Variants in HACE1 observed in about 807,000 individuals in gnomAD.
The protein encoded by HACE1 is HECT domain and ankyrin repeat containing E3 ubiquitin protein ligase 1.
In HACE1, 73 loss-of-function variants were observed where a neutral mutation model predicts 118.4. That is an observed-to-expected ratio of 0.62 (90% CI 0.51 to 0.75). The LOEUF is 0.75. Ranked by LOEUF, HACE1 falls within the 30% of genes least tolerant of loss-of-function variation. The probability of loss-of-function intolerance (pLI) is 0.00; values close to 1 mark genes in which losing one functional copy is unlikely to be tolerated. For missense variants in HACE1, 749 were observed against 1,102.2 expected, an observed-to-expected ratio of 0.68 and a Z score of 4.54; for synonymous variants, 368 against 374.8, an observed-to-expected ratio of 0.98 and a Z score of 0.21.
At chr6:104,778,436 C>CT (rs1216453520) in intron 14 of HACE1, among the ~76,000 whole-genome samples, 1 of 151,932 alleles carries the variant, frequency 6.6e-6, no homozygotes. Context: ...AAGTCCTGGT[C>CT]ATGGTAGCAA....
chr6:104,824,125 C>T (rs946121307), intron 6 of HACE1, among the ~76,000 whole-genome samples: 1 of 152,160 alleles, frequency 6.6e-6, no homozygotes, highest in Non-Finnish European at 1.5e-5. Context: ...TTCTACTGAG[C>T]CTTGTTCGGA....
At chr6:104,822,326 T>C (rs1473074834) in intron 6 of HACE1, among the ~76,000 whole-genome samples, 1 of 144,950 alleles carries the variant, frequency 6.9e-6, no homozygotes. Flanking sequence ...GAGCTTGCAG[T>C]GAGCCGCGAC....
rs540240071 is a variant in HACE1 at position 104,754,925 on chromosome 6, T to A, written c.2212-4453A>T. 5.2e-4 allele frequency among the ~76,000 whole-genome samples: 79 copies of A among 152,170 alleles called. 1 individual carries two copies. Among genetic ancestry groups the A allele is most frequent in the Middle Eastern group, 6.8e-3 (2 of 294 alleles). ...TAGCATCGTCATGACAGGATCAAAT[T>A]CATACATAACAATACTAACATTAAA... On this transcript the variant is annotated intron_variant, in intron 19 of 23. Coordinates refer to ENST00000262903, the MANE Select transcript of HACE1 (RefSeq NM_020771.4).
At chr6:104,739,778 G>C (rs527392089) in intron 22 of HACE1, among the ~76,000 whole-genome samples, 3 of 150,974 alleles carry the variant, frequency 2.0e-5, no homozygotes, top group African/African-American at 4.9e-5. Context: ...AGTCAACAAG[G>C]ATACCCAGGA....
intron 22 of HACE1, among the ~76,000 whole-genome samples, chr6:104,742,318 A>C (rs62419344): frequency 9.1e-3 from 988 of 108,500 alleles, no homozygotes; most frequent in Non-Finnish European, 9.5e-3. Context: ...AATGGGATCT[A>C]ATTAAACTAA....
At position 104,769,483 on chromosome 6, in the gene HACE1, G is replaced by C. The variant is rs979130438; in HGVS notation, c.2211+1710C>G. Among the ~76,000 whole-genome samples, 20 of 152,194 alleles carry C rather than the reference G, an allele frequency of 1.3e-4. 1 individual carries two copies. The highest frequency in any genetic ancestry group is 4.8e-4 in the African/African-American group (20 of 41,546). On this transcript the variant is annotated intron_variant, in intron 19 of 23. Coordinates refer to ENST00000262903, the MANE Select transcript of HACE1 (RefSeq NM_020771.4). The stretch of plus-strand genomic sequence containing the variant: ...CCTTAATTGAGGGTAGGCCTCCAGT[G>C]TAAAATAAAATAATAAACATGCTAC...
chr6:104,855,415 C>G lies in HACE1; in HGVS notation c.77-3044G>C, dbSNP rs530240317. 4.6e-5 allele frequency among the ~76,000 whole-genome samples: 7 copies of G among 151,932 alleles called. No individual in the cohort carries two copies. The East Asian group carries it at 1.2e-3, about 25-fold the overall frequency. On this transcript the variant is annotated intron_variant, in intron 1 of 23. Coordinates refer to ENST00000262903, the MANE Select transcript of HACE1 (RefSeq NM_020771.4). ...CCGAGATCATGCCACTGCACTCTAG[C>G]CTGGGCAACAGAGCGAGACTCCATC... is the stretch of plus-strand genomic sequence containing the variant.
chr6:104,792,416 T>A (rs1211107007), intron 10 of HACE1, among the ~76,000 whole-genome samples: 1 of 152,228 alleles, frequency 6.6e-6, no homozygotes, highest in East Asian at 1.9e-4. Context: ...AATAATTACC[T>A]TTCCACAGAA....
intron 11 of HACE1, among the ~76,000 whole-genome samples, chr6:104,790,713 C>T (rs1302058408): frequency 6.6e-6 from 1 of 152,164 alleles, no homozygotes; most frequent in Non-Finnish European, 1.5e-5. Flanking sequence ...CATGATTGTG[C>T]CACTGCATTC....
chr6:104,811,958 T>C (rs1351565115), intron 6 of HACE1, among the ~76,000 whole-genome samples: 1 of 152,122 alleles, frequency 6.6e-6, no homozygotes, highest in African/African-American at 2.4e-5. Context: ...AACAGTAGCA[T>C]ATACAGGCTC....
chr6:104,761,575 G>A (rs1779360558), intron 19 of HACE1, among the ~76,000 whole-genome samples: 1 of 152,152 alleles, frequency 6.6e-6, no homozygotes, highest in South Asian at 2.1e-4. Flanking sequence ...TTAAACGTAA[G>A]ACCTAGGACC....
intron 2 of HACE1, among the ~76,000 whole-genome samples, chr6:104,851,514 T>C (rs139963182): frequency 3.9e-5 from 6 of 152,322 alleles, no homozygotes; most frequent in Non-Finnish European, 5.9e-5. Flanking sequence ...TGCTGAAGGT[T>C]TCCTCATCTG....
rs7752614 is a variant in HACE1 at position 104,750,392 on chromosome 6, A to G, written c.2292T>C (p.Phe764=). ...QPQINAFLQG[F]HMFIPPSLIQ... Reference sequence around the variant, plus strand: ...TGAGGGAGGGTGGAATGAACATATGAAAGCCCTGTAAAAAAGCATTGATCT... The same window carrying G: ...TGAGGGAGGGTGGAATGAACATATGGAAGCCCTGTAAAAAAGCATTGATCT... Residue 764 remains phenylalanine (F), a synonymous_variant, in exon 20 of 24, where the codon TTT becomes TTC. Coordinates refer to ENST00000262903, the MANE Select transcript of HACE1 (RefSeq NM_020771.4). 0.16 allele frequency: 264,279 copies of G among 1,610,908 alleles called. 24,301 individuals are homozygous for G. The highest frequency in any genetic ancestry group is 0.36 in the African/African-American group (27,293 of 74,830).
intron 9 of HACE1, 51 bp downstream of exon 9, chr6:104,796,604 G>T: frequency 2.2e-6 from 2 of 910,476 alleles, no homozygotes; most frequent in South Asian, 2.7e-5. Context: ...CATATATGCT[G>T]AGCAGGAATA....
intron 3 of HACE1, among the ~76,000 whole-genome samples, chr6:104,849,811 G>C (rs1268080827): frequency 6.6e-6 from 1 of 151,482 alleles, no homozygotes; most frequent in Non-Finnish European, 1.5e-5. Context: ...ACCATGCCAG[G>C]CTACTTTTTT....
intron 1 of HACE1, chr6:104,858,482 T>C: frequency 5.0e-6 from 2 of 400,280 alleles, no homozygotes; most frequent in South Asian, 3.6e-5. Flanking sequence ...TGCGGATCAC[T>C]TGAGCCCAGG....
chr6:104,790,048 T>C (rs979584261), intron 11 of HACE1, among the ~76,000 whole-genome samples: 1 of 151,192 alleles, frequency 6.6e-6, no homozygotes, highest in Non-Finnish European at 1.5e-5. Flanking sequence ...ACTTCATTCT[T>C]CCAGGAGGTG....
chr6:104,810,528 G>A (rs1299024104), intron 7 of HACE1, among the ~76,000 whole-genome samples: 1 of 151,988 alleles, frequency 6.6e-6, no homozygotes, highest in Non-Finnish European at 1.5e-5. Context: ...AATTACTATA[G>A]TATTCTATAA....
intron 9 of HACE1, among the ~76,000 whole-genome samples, 157 bp from the exon 10 acceptor site, chr6:104,795,842 T>C (rs975141634): frequency 3.3e-5 from 5 of 152,172 alleles, no homozygotes; most frequent in Non-Finnish European, 7.3e-5. Flanking sequence ...TATAGAGATA[T>C]GATGATACAT....
Sources: gnomAD v4.1 joint callset for allele counts (sites outside exome capture counted in the v4.1 genomes callset) on GRCh38, gnomAD v4.1.1 for gene constraint, MANE v1.5 for transcripts, NCBI Gene and HGNC (gene_info 2026-07-23, HGNC 2026-07-21) for gene names.